FOSL2: variants seen among roughly 807,000 people sequenced by gnomAD.
The protein encoded by FOSL2 is fos-related antigen 2.
FOSL2 carries 3 observed loss-of-function variants against 27.7 expected under a neutral mutation model. The observed-to-expected ratio is 0.11, with a 90% CI of 0.05 to 0.28. FOSL2 has a LOEUF of 0.28. Among genes scored for constraint, FOSL2 ranks in the 10% least tolerant of loss-of-function variants. FOSL2 has a pLI of 1.00. For missense variants in FOSL2, 333 were observed against 445.1 expected, an observed-to-expected ratio of 0.75 and a Z score of 2.27; for synonymous variants, 179 against 190.1, an observed-to-expected ratio of 0.94 and a Z score of 0.48.
Position 28,408,682 on chromosome 2 carries a change from A to G in FOSL2, c.355-77A>G, listed in dbSNP as rs1664131734. ...CATTTCCAGAAGGGCTTCTTGCCTT[A>G]CTTAAAATACAGTTTTTAAAAAATA... On this transcript the variant is annotated intron_variant, in intron 2 of 3. Transcript: ENST00000264716. This position sits in a 1 kb window ranked among gnomAD's most constrained non-coding sequence, Gnocchi z 4.1. 1 of 1,057,476 alleles carries G rather than the reference A, an allele frequency of 9.5e-7. No homozygotes were observed. The highest frequency in any genetic ancestry group is 1.3e-6 in the Non-Finnish European group (1 of 745,776). 65.5% of individuals were successfully genotyped at this position (1,057,476 alleles called of 1,614,324 possible).
Position 28,393,125 on chromosome 2 carries a change from C to A in FOSL2, c.-596C>A. 1 of 338,678 alleles carries A rather than the reference C, an allele frequency of 3.0e-6. No homozygotes were observed. The highest frequency in any genetic ancestry group is 5.3e-6 in the Non-Finnish European group (1 of 188,266). The allele number at this position is 338,678 out of a possible 1,614,324, so 21.0% of individuals were successfully genotyped here. Reference sequence around the variant, plus strand: ...TGTCCCCCTGGCGCGCTCGGGGCCGCGGGACGGGCGCACGCCGCCTTCTCC... The same window carrying A: ...TGTCCCCCTGGCGCGCTCGGGGCCGAGGGACGGGCGCACGCCGCCTTCTCC... On this transcript the variant is annotated 5_prime_UTR_variant, in exon 1 of 4. Coordinates refer to ENST00000264716, the MANE Select transcript of FOSL2 (RefSeq NM_005253.4). This position sits in a 1 kb window ranked among gnomAD's most constrained non-coding sequence, Gnocchi z 4.6.
chr2:28,394,527 A>C (rs1663767542), intron 1 of FOSL2: 1 of 152,348 alleles, frequency 6.6e-6, no homozygotes, highest in South Asian at 2.1e-4. Context: ...ACGAAGGAGC[A>C]CCTTGAGGGT....
chr2:28,409,690 C>T (rs1312126131), intron 3 of FOSL2, among the ~76,000 whole-genome samples: 1 of 152,238 alleles, frequency 6.6e-6, no homozygotes, highest in African/African-American at 2.4e-5. Context: ...GTGGTCCTCA[C>T]AGTGACTGCC....
In FOSL2 at chr2:28,392,943, A is replaced by C; in HGVS notation, c.-778A>C. ...AGCGGCGCTCGGCGGGGACAGAAAG[A>C]GGGAGAGAGAGAGAGAGAGAGAGGG... On this transcript the variant is annotated 5_prime_UTR_variant, in exon 1 of 4. Transcript: ENST00000264716. 1 of 699,850 alleles carries C rather than the reference A, an allele frequency of 1.4e-6. No individual in the cohort carries two copies. Among genetic ancestry groups the C allele is most frequent in the Middle Eastern group, 2.3e-4 (1 of 4,296 alleles). The allele number at this position is 699,850 out of a possible 1,614,324, so 43.4% of individuals were successfully genotyped here.
Position 28,404,007 on chromosome 2 carries a change from C to T in FOSL2, c.103-100C>T. 1 of 1,412,220 alleles carries T rather than the reference C, an allele frequency of 7.1e-7. No homozygotes were observed. Among genetic ancestry groups the T allele is most frequent in the Admixed American group, 1.8e-5 (1 of 55,762 alleles). The allele number at this position is 1,412,220 out of a possible 1,614,324, so 87.5% of individuals were successfully genotyped here. ...CCTTGCCCTTCGAACACTGACTGTG[C>T]TCTGTGCTGGTTTTTGCCTCAGCTC... is the stretch of plus-strand genomic sequence containing the variant. On this transcript the variant is annotated intron_variant, in intron 1 of 3. Coordinates refer to ENST00000264716, the MANE Select transcript of FOSL2 (RefSeq NM_005253.4). The surrounding 1 kb of genome is among the most constrained non-coding windows in gnomAD (Gnocchi z 4.7).
Position 28,412,255 on chromosome 2 carries a change from C to A in FOSL2, c.788C>A (p.Thr263Asn). 1 of 1,613,970 alleles carries A rather than the reference C, an allele frequency of 6.2e-7. No individual in the cohort carries two copies. Residue 263 changes from threonine to asparagine, a missense_variant, in exon 4 of 4, where the codon ACC becomes AAC. By Grantham distance (65) the Thr-to-Asn change is moderately conservative. Transcript: ENST00000264716. This position sits in a 1 kb window ranked among gnomAD's most constrained non-coding sequence, Gnocchi z 7.1. The stretch of plus-strand genomic sequence containing the variant: ...TTCTACGGTGAGGAGCCCCTGCACA[C>A]CCCCATCGTGGTGACCTCCACACCT... ...GGFYGEEPLH[T>N]PIVVTSTPAV...
intron 1 of FOSL2, chr2:28,394,784 C>T (rs1052897906): frequency 6.6e-6 from 1 of 152,418 alleles, no homozygotes; most frequent in Middle Eastern, 3.4e-3. Flanking sequence ...CCCGCTCTGT[C>T]TCGAGAGAGA....
rs1249221067 is a variant in FOSL2 at position 28,393,193 on chromosome 2, G to A, written c.-528G>A. ...CGCCCCGAAACTCGGGCGGCGAGTC[G>A]GCCACGGGAAGTTTATTCTCCGGCT... is the stretch of plus-strand genomic sequence containing the variant. On this transcript the variant is annotated 5_prime_UTR_variant, in exon 1 of 4. Transcript: ENST00000264716. The surrounding 1 kb of genome is among the most constrained non-coding windows in gnomAD (Gnocchi z 4.6). 3.1e-5 allele frequency: 8 copies of A among 259,258 alleles called. No homozygotes were observed. The East Asian group carries it at 6.8e-4, about 22-fold the overall frequency. 16.1% of individuals were successfully genotyped at this position (259,258 alleles called of 1,614,324 possible).
chr2:28,409,611 G>C (rs902475616), intron 3 of FOSL2, among the ~76,000 whole-genome samples: 9 of 152,174 alleles, frequency 5.9e-5, no homozygotes, highest in African/African-American at 2.2e-4. Flanking sequence ...TGTGGAGGAA[G>C]CCCCGAGCCA....
rs1174306936 is a variant in FOSL2 at position 28,411,926 on chromosome 2, G to A, written c.463-4G>A. 1.2e-6 allele frequency: 2 copies of A among 1,614,010 alleles called. No individual in the cohort carries two copies. The highest frequency in any genetic ancestry group is 1.7e-5 in the Admixed American group (1 of 60,006). Reference sequence around the variant, plus strand: ...TCCCTCACATCCCTCTCTTTCCGTGGCAGGAGACAGAGGAGCTGGAGGAGG... The same window carrying A: ...TCCCTCACATCCCTCTCTTTCCGTGACAGGAGACAGAGGAGCTGGAGGAGG... On this transcript the variant is annotated splice_region_variant and splice_polypyrimidine_tract_variant and intron_variant, in intron 3 of 3. Transcript: ENST00000264716.
chr2:28,405,469 C>T (rs541661332), intron 2 of FOSL2, among the ~76,000 whole-genome samples: 59 of 152,300 alleles, frequency 3.9e-4, no homozygotes, highest in African/African-American at 1.4e-3. Context: ...CCTTGGAACC[C>T]TTCCTCATTT....
At chr2:28,405,883 A>G (rs1447870302) in intron 2 of FOSL2, among the ~76,000 whole-genome samples, 1 of 152,100 alleles carries the variant, frequency 6.6e-6, no homozygotes, top group Non-Finnish European at 1.5e-5. Context: ...TTTTATAAAT[A>G]GGCTTCCTTC....
chr2:28,409,319 G>T (rs1572494325), intron 3 of FOSL2, among the ~76,000 whole-genome samples: 2 of 152,296 alleles, frequency 1.3e-5, no homozygotes, highest in Admixed American at 1.3e-4. Flanking sequence ...TCTGGGTTGG[G>T]CCAGGGAGAA....
chr2:28,410,992 T>C (rs529651340), intron 3 of FOSL2, among the ~76,000 whole-genome samples: 3 of 151,410 alleles, frequency 2.0e-5, no homozygotes, highest in Admixed American at 6.6e-5. Context: ...CTATGAAAAA[T>C]ACAAAATTAG....
chr2:28,392,893 G>C lies in FOSL2; in HGVS notation c.-828G>C. 1 of 714,732 alleles carries C rather than the reference G, an allele frequency of 1.4e-6. No homozygotes were observed. Among genetic ancestry groups the C allele is most frequent in the Non-Finnish European group, 2.6e-6 (1 of 383,384 alleles). The allele number at this position is 714,732 out of a possible 1,614,324, so 44.3% of individuals were successfully genotyped here. A position where few individuals can be genotyped will look rare whatever the true frequency, so the allele number is the denominator to read the frequency against. ...ATCTCGGGCAGAGCGCTAGGGCTCC[G>C]AGCGAACCAGCGAGCGAGCGAACGA... On this transcript the variant is annotated 5_prime_UTR_variant, in exon 1 of 4. Coordinates refer to ENST00000264716, the MANE Select transcript of FOSL2 (RefSeq NM_005253.4).
intron 2 of FOSL2, among the ~76,000 whole-genome samples, chr2:28,407,898 T>C (rs115586255): frequency 0.019 from 2,924 of 152,354 alleles, 53 homozygotes; most frequent in South Asian, 0.064. Flanking sequence ...GACAGATTCC[T>C]AACTGTCTCA....
chr2:28,410,643 C>G lies in FOSL2; in HGVS notation c.463-1287C>G, dbSNP rs1664174175. On this transcript the variant is annotated intron_variant, in intron 3 of 3. Coordinates refer to ENST00000264716, the MANE Select transcript of FOSL2 (RefSeq NM_005253.4). The stretch of plus-strand genomic sequence containing the variant: ...GTGGGGAGGAGGCTGGTGACACACA[C>G]CTCTTCCCCTCCCACAGCGGCCCCT... 10 of 528,908 alleles carry G rather than the reference C, an allele frequency of 1.9e-5. No individual in the cohort carries two copies. In the South Asian group the frequency reaches 7.3e-4, roughly 39 times the overall value. The allele number at this position is 528,908 out of a possible 1,614,324, so 32.8% of individuals were successfully genotyped here.
chr2:28,397,228 A>ATT (rs1446190712), intron 1 of FOSL2: 1 of 152,068 alleles, frequency 6.6e-6, no homozygotes, highest in Non-Finnish European at 1.5e-5. Context: ...AAATAAAAAT[A>ATT]AAAAAAGGAG....
chr2:28,411,610 A>G (rs979289200), intron 3 of FOSL2, among the ~76,000 whole-genome samples: 1 of 152,150 alleles, frequency 6.6e-6, no homozygotes, highest in Non-Finnish European at 1.5e-5. Flanking sequence ...CGATGATAAC[A>G]TCTGCTTCCA....
Sources: gnomAD v4.1 joint callset for allele counts (sites outside exome capture counted in the v4.1 genomes callset) on GRCh38, gnomAD v4.1.1 for gene constraint, Gnocchi (gnomAD v3.1) non-coding constraint, MANE v1.5 for transcripts, NCBI Gene and HGNC (gene_info 2026-07-23, HGNC 2026-07-21) for gene names.